The following USP25 variants were observed in gnomAD, a reference collection of about 807,000 sequenced individuals.
The protein encoded by USP25 is ubiquitin specific peptidase 25.
USP25 carries 85 observed loss-of-function variants against 158.5 expected under a neutral mutation model. That is an observed-to-expected ratio of 0.54 (90% CI 0.45 to 0.64). USP25 has a LOEUF of 0.64. USP25 is among the 30% of genes least tolerant of loss of function. The pLI is 0.00. For missense variants in USP25, 1,242 were observed against 1,327.3 expected, an observed-to-expected ratio of 0.94 and a Z score of 1.00; for synonymous variants, 464 against 460.4, an observed-to-expected ratio of 1.01 and a Z score of -0.10.
intron 1 of USP25, among the ~76,000 whole-genome samples, chr21:15,750,792 G>T (rs1017208746): frequency 6.6e-6 from 1 of 151,722 alleles, no homozygotes; most frequent in African/African-American, 2.4e-5. Context: ...ATTTTTAGTA[G>T]AGATGGGGTT....
chr21:15,833,463 G>C lies in USP25; in HGVS notation c.2109G>C (p.Trp703Cys), dbSNP rs1489835367. Residue 703 changes from tryptophan to cysteine, a missense_variant, in exon 17 of 26, where the codon TGG becomes TGC. Coordinates refer to ENST00000400183, the MANE Select transcript of USP25 (RefSeq NM_001283041.3). ...NQRFEKELEEWDAQLAQKALQ... is the reference protein window; with the variant it reads ...NQRFEKELEECDAQLAQKALQ... ...GATTTGAAAAAGAACTAGAAGAATG[G>C]GATGCACAACTTGCCCAGAAAGCTT... is the stretch of plus-strand genomic sequence containing the variant. 6.2e-7 allele frequency: 1 copy of C among 1,614,016 alleles called. No homozygotes were observed. Among genetic ancestry groups the C allele is most frequent in the South Asian group, 1.1e-5 (1 of 91,078 alleles).
At position 15,730,514 on chromosome 21, in the gene USP25, C is replaced by G. The variant is rs1000717739; in HGVS notation, c.45+76C>G. The G allele has an allele frequency of 9.4e-6, 12 of 1,276,036 alleles. No individual in the cohort carries two copies. In the South Asian group the frequency reaches 1.3e-4, roughly 14 times the overall value. The allele number at this position is 1,276,036 out of a possible 1,614,324, so 79.0% of individuals were successfully genotyped here. A position where few individuals can be genotyped will look rare whatever the true frequency, so the allele number is the denominator to read the frequency against. On this transcript the variant is annotated intron_variant, in intron 1 of 25. Transcript: ENST00000400183. The stretch of plus-strand genomic sequence containing the variant: ...GTCCTCTCCCGCTGCGGCCGGGCGC[C>G]CCGGCCTCGCCGCCGCCGCCTTCCC...
At position 15,799,852 on chromosome 21, in the gene USP25, C is replaced by G. The variant is rs758501717; in HGVS notation, c.642+9C>G. 2 of 1,596,746 alleles carry G rather than the reference C, an allele frequency of 1.3e-6. No homozygotes were observed. The highest frequency in any genetic ancestry group is 1.4e-5 in the African/African-American group (1 of 74,062). On this transcript the variant is annotated intron_variant, in intron 6 of 25. Transcript: ENST00000400183. ...TACCCCGAAACCAAAAGGTAAAATT[C>G]AAAAGATTTTTTTAAGCAGTATATA...
intron 9 of USP25, among the ~76,000 whole-genome samples, chr21:15,814,068 A>C (rs1286143868): frequency 6.6e-6 from 1 of 150,996 alleles, no homozygotes; most frequent in African/African-American, 2.4e-5. Context: ...CTTATCATTT[A>C]TTAAAGGCAC....
At chr21:15,858,950 A>G (rs1027829388) in intron 20 of USP25, among the ~76,000 whole-genome samples, 3 of 151,750 alleles carry the variant, frequency 2.0e-5, no homozygotes, top group Admixed American at 2.0e-4. Flanking sequence ...TAAAGGTGTT[A>G]ACTTTGATCT....
At chr21:15,807,217 C>T (rs1232294835) in intron 7 of USP25, among the ~76,000 whole-genome samples, 3 of 152,186 alleles carry the variant, frequency 2.0e-5, no homozygotes, top group African/African-American at 7.2e-5. Context: ...CATGAGCCAC[C>T]ACACTTGGCC....
chr21:15,776,519 C>T (rs1274192226), intron 3 of USP25, among the ~76,000 whole-genome samples: 1 of 151,670 alleles, frequency 6.6e-6, no homozygotes, highest in Non-Finnish European at 1.5e-5. Flanking sequence ...TTATGTAAAA[C>T]CTTATAGCCA....
chr21:15,854,704 C>T (rs1350950843), intron 20 of USP25, among the ~76,000 whole-genome samples: 1 of 152,088 alleles, frequency 6.6e-6, no homozygotes, highest in Non-Finnish European at 1.5e-5. Flanking sequence ...AGTGGACTTG[C>T]TAAAGTTTAA....
chr21:15,788,153 A>G (rs1190072755), intron 4 of USP25, among the ~76,000 whole-genome samples: 1 of 151,136 alleles, frequency 6.6e-6, no homozygotes, highest in Non-Finnish European at 1.5e-5. Context: ...GTTATAGGCT[A>G]TCTCTGAAAT....
At chr21:15,765,964 A>G (rs1454141464) in intron 2 of USP25, 33 bp from the exon 3 acceptor site, 1 of 1,572,088 alleles carries the variant, frequency 6.4e-7, no homozygotes, top group East Asian at 2.3e-5. Context: ...AATTATTTCA[A>G]AACACTTGAT....
At chr21:15,757,120 A>G (rs1018338795) in intron 1 of USP25, among the ~76,000 whole-genome samples, 25 of 152,188 alleles carry the variant, frequency 1.6e-4, no homozygotes, top group African/African-American at 5.5e-4. Flanking sequence ...AAACCCCCAC[A>G]TAATTGCAGG....
At chr21:15,848,681 G>A (rs1456606752) in intron 19 of USP25, among the ~76,000 whole-genome samples, 1 of 152,020 alleles carries the variant, frequency 6.6e-6, no homozygotes, top group Non-Finnish European at 1.5e-5. Context: ...TCATGCTAGA[G>A]TTAATCACCA....
Position 15,805,209 on chromosome 21 carries a change from G to A in USP25, c.731G>A (p.Arg244Lys), listed in dbSNP as rs774541710. The change falls in exon 7 of 26, where the codon AGA becomes AAA. Residue 244 changes from arginine to lysine, a missense_variant. Coordinates refer to ENST00000400183, the MANE Select transcript of USP25 (RefSeq NM_001283041.3). ...AAAAGGAAGTATGTTGATCCATCAA[G>A]AGCAGTTGAAATTCTTAAGGATGCT... Reference protein sequence around the residue: ...GTKRKYVDPSRAVEILKDAFK... With the variant: ...GTKRKYVDPSKAVEILKDAFK... The A allele has an allele frequency of 6.2e-7, 1 of 1,608,618 alleles. No individual in the cohort carries two copies. Among genetic ancestry groups the A allele is most frequent in the Non-Finnish European group, 8.5e-7 (1 of 1,177,858 alleles).
intron 9 of USP25, among the ~76,000 whole-genome samples, chr21:15,815,343 T>C (rs2036883317): frequency 6.6e-6 from 1 of 151,710 alleles, no homozygotes; most frequent in Non-Finnish European, 1.5e-5. Flanking sequence ...ACACAGAGAG[T>C]CCCTACTGGG....
chr21:15,738,973 C>T (rs1373332209), intron 1 of USP25, among the ~76,000 whole-genome samples: 1 of 152,160 alleles, frequency 6.6e-6, no homozygotes, highest in Admixed American at 6.5e-5. Flanking sequence ...CTCTCACACG[C>T]ACCCTCTTAG....
chr21:15,791,036 T>C (rs1402968303), intron 4 of USP25, among the ~76,000 whole-genome samples: 1 of 151,882 alleles, frequency 6.6e-6, no homozygotes, highest in Non-Finnish European at 1.5e-5. Context: ...AAAGTTTAAC[T>C]CACTGAACTT....
chr21:15,775,865 G>GT (rs200081673), intron 3 of USP25, among the ~76,000 whole-genome samples: 1,722 of 148,422 alleles, frequency 0.012, 25 homozygotes, highest in African/African-American at 0.039. Context: ...TAGTTTTTCT[G>GT]TTTTTTTTTA....
chr21:15,825,892 C>G (rs962754672), intron 12 of USP25, among the ~76,000 whole-genome samples: 1 of 152,062 alleles, frequency 6.6e-6, no homozygotes, highest in Non-Finnish European at 1.5e-5. Context: ...GATGCCAGAT[C>G]TAAAAATAAA....
chr21:15,731,267 G>A (rs9980251), intron 1 of USP25, among the ~76,000 whole-genome samples: 2 of 152,150 alleles, frequency 1.3e-5, no homozygotes, highest in African/African-American at 2.4e-5. Flanking sequence ...ATGTTCTGAA[G>A]AGTAGTTGGC....
Sources: gnomAD v4.1 joint callset for allele counts (sites outside exome capture counted in the v4.1 genomes callset) on GRCh38, gnomAD v4.1.1 for gene constraint, MANE v1.5 for transcripts, NCBI Gene and HGNC (gene_info 2026-07-23, HGNC 2026-07-21) for gene names.